SYNE1: variants seen among roughly 807,000 people sequenced by gnomAD.
SYNE1 encodes nesprin-1.
A neutral mutation model predicts 1,111.0 loss-of-function variants in SYNE1; 616 were observed. The ratio of observed to expected loss-of-function variants is 0.55; its 90% confidence interval spans 0.52 to 0.59. The LOEUF (loss-of-function observed/expected upper bound fraction) is 0.59, where lower values mean the gene tolerates loss of function less well. Ranked by LOEUF, SYNE1 falls within the 20% of genes least tolerant of loss-of-function variation. SYNE1 has a pLI of 0.00. For missense variants in SYNE1, 10,006 were observed against 10,417.0 expected (o/e 0.96, Z 1.72); for synonymous variants, 3,855 against 3,825.8 (o/e 1.01, Z -0.28).
rs1350714036 is a variant in SYNE1 at position 152,442,070 on chromosome 6, C to G, written c.4008+5G>C. On this transcript the variant is annotated splice_donor_5th_base_variant and intron_variant, in intron 31 of 145. Coordinates refer to ENST00000367255, the MANE Select transcript of SYNE1 (RefSeq NM_182961.4). Reference sequence around the variant, plus strand: ...TTTAAATGGCCCCTAACTTCCGGCTCCTACCTGGATGCGGCGTTCCTGCCT... The same window carrying G: ...TTTAAATGGCCCCTAACTTCCGGCTGCTACCTGGATGCGGCGTTCCTGCCT... 6.2e-7 allele frequency: 1 copy of G among 1,614,102 alleles called. No individual in the cohort carries two copies. Among genetic ancestry groups the G allele is most frequent in the Admixed American group, 1.7e-5 (1 of 60,014 alleles).
chr6:152,353,565 C>G, intron 68 of SYNE1, 24 bp downstream of exon 68: 1 of 1,614,144 alleles, frequency 6.2e-7, no homozygotes, highest in Non-Finnish European at 8.5e-7. Context: ...CTGGTCTATG[C>G]TGAGCACCTG....
chr6:152,322,665 A>G (rs551450841), intron 82 of SYNE1, among the ~76,000 whole-genome samples: 1 of 152,212 alleles, frequency 6.6e-6, no homozygotes, highest in South Asian at 2.1e-4. Context: ...TTTCCATCTC[A>G]TGCTTCATTT....
At chr6:152,587,012 G>A (rs1444534354) in intron 3 of SYNE1, among the ~76,000 whole-genome samples, 2 of 152,002 alleles carry the variant, frequency 1.3e-5, no homozygotes, top group East Asian at 3.8e-4. Context: ...GCTTCCCATG[G>A]GCCAAGTCAT....
chr6:152,562,167 G>C (rs141458304), intron 3 of SYNE1, among the ~76,000 whole-genome samples: 1 of 152,182 alleles, frequency 6.6e-6, no homozygotes, highest in East Asian at 1.9e-4. Flanking sequence ...CAATTGATAA[G>C]GGATTAATAT....
intron 47 of SYNE1, 91 bp from the exon 48 acceptor site, chr6:152,399,914 T>G (rs1591910725): frequency 7.2e-7 from 1 of 1,380,492 alleles, no homozygotes; most frequent in Non-Finnish European, 1.0e-6. Flanking sequence ...CAATCTGAAA[T>G]TGACATTGTT....
At chr6:152,217,264 A>G (rs79705444) in intron 121 of SYNE1, among the ~76,000 whole-genome samples, 2,745 of 150,556 alleles carry the variant, frequency 0.018, 71 homozygotes, top group African/African-American at 0.063. Flanking sequence ...GGCGTGGTGG[A>G]CAGTACCTGC....
chr6:152,210,822 C>A (rs1299534317), intron 124 of SYNE1, among the ~76,000 whole-genome samples: 3 of 150,030 alleles, frequency 2.0e-5, no homozygotes, highest in African/African-American at 7.2e-5. Context: ...TGGGGAGAAG[C>A]TAAATTTTTA....
intron 3 of SYNE1, among the ~76,000 whole-genome samples, chr6:152,564,158 G>T (rs1352603909): frequency 6.6e-6 from 1 of 152,140 alleles, no homozygotes; most frequent in African/African-American, 2.4e-5. Flanking sequence ...TCCAGGTCTA[G>T]AATCAAATAA....
chr6:152,244,062 C>G (rs2086461894), intron 106 of SYNE1, among the ~76,000 whole-genome samples: 1 of 152,140 alleles, frequency 6.6e-6, no homozygotes, highest in Non-Finnish European at 1.5e-5. Flanking sequence ...AACAATGTCT[C>G]TATTCCATTC....
At chr6:152,371,635 A>G (rs1591340593) in intron 59 of SYNE1, among the ~76,000 whole-genome samples, 1 of 74,862 alleles carries the variant, frequency 1.3e-5, no homozygotes, top group Non-Finnish European at 2.5e-5. Flanking sequence ...AGGGGAGAGG[A>G]GGGGAGGGCA....
intron 130 of SYNE1, among the ~76,000 whole-genome samples, chr6:152,165,511 C>A (rs2063469993): frequency 6.6e-6 from 1 of 152,094 alleles, no homozygotes; most frequent in South Asian, 2.1e-4. Context: ...ATTTGAATAA[C>A]ATTTTCAGTT....
intron 112 of SYNE1, among the ~76,000 whole-genome samples, chr6:152,233,292 G>C (rs2083207338): frequency 6.6e-6 from 1 of 151,558 alleles, no homozygotes; most frequent in East Asian, 1.9e-4. Flanking sequence ...GAAACCCTCA[G>C]AGGAAATGCC....
intron 87 of SYNE1, 73 bp downstream of exon 87, chr6:152,316,776 T>G (rs772440663): frequency 1.9e-6 from 3 of 1,564,848 alleles, no homozygotes; most frequent in Non-Finnish European, 1.8e-6. Flanking sequence ...GCCCTCTAAG[T>G]GTTGTGTCAG....
rs138707300 is a variant in SYNE1, at chr6:152,244,623, A to G, written c.19606T>C (p.Phe6536Leu). The G allele has an allele frequency of 1.4e-5, 23 of 1,613,896 alleles. No individual in the cohort carries two copies. The African/African-American group carries it at 3.1e-4, about 22-fold the overall frequency. Residue 6536 changes from phenylalanine (F) to leucine (L), a missense_variant, in exon 106 of 146, where the codon TTT becomes CTT. This residue lies in a region of SYNE1 where 2,182 missense variants were observed against 2,287.8 expected (regional missense o/e 0.95). Coordinates refer to ENST00000367255, the MANE Select transcript of SYNE1 (RefSeq NM_182961.4). ...IQQAEDGLKEFDAGIIELKRR... is the reference protein window; with the variant it reads ...IQQAEDGLKELDAGIIELKRR... Reference sequence around the variant, plus strand: ...TTTAATTCAATGATTCCTGCATCAAATTCTTTGAGTCCATCTTCAGCCTGT... The same window carrying G: ...TTTAATTCAATGATTCCTGCATCAAGTTCTTTGAGTCCATCTTCAGCCTGT...
In SYNE1 at chr6:152,149,554, G is replaced by C; in HGVS notation, c.24565C>G (p.Leu8189Val). The C allele has an allele frequency of 6.2e-7, 1 of 1,614,146 alleles. No homozygotes were observed. Among genetic ancestry groups the C allele is most frequent in the Non-Finnish European group, 8.5e-7 (1 of 1,180,032 alleles). Residue 8189 changes from leucine to valine, a missense_variant, in exon 136 of 146, where the codon CTA (leucine) becomes GTA (valine). Physicochemically the swap from Leu to Val is conservative, Grantham distance 32 (BLOSUM62 1). Coordinates refer to ENST00000367255, the MANE Select transcript of SYNE1 (RefSeq NM_182961.4). The part of the protein sequence containing the change: ...PLDAAIIEEE[L>V]DELRRYCQEV... ...TGGCAGTACCGTCGGAGCTCATCTAGTTCCTCCTCGATGATCGCTGCATCC... is the reference window on the plus strand; with the variant it reads ...TGGCAGTACCGTCGGAGCTCATCTACTTCCTCCTCGATGATCGCTGCATCC...
At position 152,416,760 on chromosome 6, in the gene SYNE1, C is replaced by T. The variant is rs200415920; in HGVS notation, c.5677G>A (p.Ala1893Thr). 5 of 1,614,122 alleles carry T rather than the reference C, an allele frequency of 3.1e-6. No individual in the cohort carries two copies. Among genetic ancestry groups the T allele is most frequent in the Non-Finnish European group, 4.2e-6 (5 of 1,180,058 alleles). ...TCGTTCTTATTCATACTGTTGGTTG[C>T]TTCCACTGTTTGCCTCAGCTGGCGG... ...ILRQLRQTVE[A>T]TNSMNKNESD... is the part of the protein sequence containing the mutation. Residue 1893 changes from alanine to threonine, a missense_variant, in exon 41 of 146, where the codon GCA becomes ACA. Coordinates refer to ENST00000367255, the MANE Select transcript of SYNE1 (RefSeq NM_182961.4).
intron 126 of SYNE1, among the ~76,000 whole-genome samples, chr6:152,202,644 T>C (rs1017353735): frequency 3.9e-5 from 6 of 152,166 alleles, no homozygotes; most frequent in African/African-American, 1.4e-4. Context: ...ATTATGGGTA[T>C]CCAAGAATGT....
Position 152,376,880 on chromosome 6 carries a change from A to G in SYNE1, c.9042T>C (p.Pro3014=). The stretch of plus-strand genomic sequence containing the variant: ...GCTGAGACTTGAGATCCTCTGTTCT[A>G]GGCTCTGCTTTTTGCAAAGCATCCA... ...EILDALQKAE[P]RTEDLKSQLN... Residue 3014 remains proline (P), a synonymous_variant, in exon 57 of 146, where the codon CCT becomes CCC. Transcript: ENST00000367255. 2 of 1,614,106 alleles carry G rather than the reference A, an allele frequency of 1.2e-6. No individual in the cohort carries two copies. Among genetic ancestry groups the G allele is most frequent in the East Asian group, 4.5e-5 (2 of 44,864 alleles).
Position 152,391,354 on chromosome 6 carries a change from T to C in SYNE1, c.7927A>G (p.Ile2643Val). The C allele has an allele frequency of 6.2e-7, 1 of 1,614,160 alleles. No individual in the cohort carries two copies. Among genetic ancestry groups the C allele is most frequent in the Non-Finnish European group, 8.5e-7 (1 of 1,180,014 alleles). Residue 2643 changes from isoleucine to valine, a missense_variant, in exon 52 of 146, where the codon ATT (isoleucine) becomes GTT (valine). Coordinates refer to ENST00000367255, the MANE Select transcript of SYNE1 (RefSeq NM_182961.4). ...TCTGCACAGGCCAGTCTGTCCTGAA[T>C]GGCCTTCACCCAGAACCACATGCTT... ...LQSMWFWVKAIQDRLACAEST... is the reference protein window; with the variant it reads ...LQSMWFWVKAVQDRLACAEST...
Sources: allele counts gnomAD v4.1 joint callset (sites outside exome capture counted in the v4.1 genomes callset), GRCh38; gene constraint gnomAD v4.1.1; regional missense constraint gnomAD v4.1.1; transcripts MANE v1.5; gene names NCBI Gene and HGNC (gene_info 2026-07-23, HGNC 2026-07-21).